KANK2: variants seen among roughly 807,000 people sequenced by gnomAD.
KANK2 encodes KN motif and ankyrin repeat domains 2.
KANK2 carries 41 observed loss-of-function variants against 74.6 expected under a neutral mutation model. The ratio of observed to expected loss-of-function variants is 0.55; its 90% CI spans 0.43 to 0.71. The LOEUF (loss-of-function observed/expected upper bound fraction) is 0.71, where lower values mean the gene tolerates loss of function less well. Among genes scored for constraint, KANK2 ranks in the 30% least tolerant of loss-of-function variants. KANK2 has a pLI of 0.00. For synonymous variants in KANK2, 537 were observed against 519.0 expected (o/e 1.03, Z -0.47); for missense variants, 1,148 against 1,196.4 (o/e 0.96, Z 0.60).
intron 12 of KANK2, 102 bp from the exon 13 acceptor site, chr19:11,166,713 G>T: frequency 9.0e-7 from 1 of 1,107,514 alleles, no homozygotes; most frequent in South Asian, 1.3e-5. Flanking sequence ...TAAGCAGGAG[G>T]GAGGCGTGGC....
At chr19:11,184,079 C>G (rs910751442) in intron 4 of KANK2, among the ~76,000 whole-genome samples, 2 of 152,050 alleles carry the variant, frequency 1.3e-5, no homozygotes, top group Non-Finnish European at 2.9e-5. Context: ...TACCTATATT[C>G]AAAATGAAGA....
intron 12 of KANK2, 108 bp from the exon 13 acceptor site, chr19:11,166,719 G>GGCCCC: frequency 9.8e-7 from 1 of 1,016,306 alleles, no homozygotes; most frequent in Non-Finnish European, 1.5e-6. Flanking sequence ...GGAGGGAGGC[G>GGCCCC]TGGCCCCTGG....
chr19:11,194,183 C>G, intron 3 of KANK2, 141 bp from the exon 4 acceptor site: 1 of 901,032 alleles, frequency 1.1e-6, no homozygotes, highest in Non-Finnish European at 1.6e-6. Context: ...TGCTCTCAGA[C>G]CCTCCAGAGC....
intron 4 of KANK2, among the ~76,000 whole-genome samples, chr19:11,190,707 C>T (rs2078817779): frequency 6.6e-6 from 1 of 152,076 alleles, no homozygotes; most frequent in South Asian, 2.1e-4. Context: ...GCAGAGCCTC[C>T]CTGACCATGT....
At position 11,179,686 on chromosome 19, in the gene KANK2, G is replaced by A. The variant is rs143400323; in HGVS notation, c.1250-966C>T. On this transcript the variant is annotated intron_variant, in intron 4 of 12. Coordinates refer to ENST00000586659, the MANE Select transcript of KANK2 (RefSeq NM_001136191.3). ...CACATCCTGACTAAAAAAACGAAAC[G>A]AAACAAAAGAAAACAAAAGACAACA... 9.8e-3 allele frequency among the ~76,000 whole-genome samples: 1,479 copies of A among 151,326 alleles called. 14 individuals carry two copies. The highest frequency in any genetic ancestry group is 0.017 in the Non-Finnish European group (1,155 of 67,778).
chr19:11,168,034 A>G (rs986557165), intron 12 of KANK2, among the ~76,000 whole-genome samples: 14 of 135,394 alleles, frequency 1.0e-4, no homozygotes, highest in African/African-American at 3.6e-4. Context: ...TTTCTTTGAG[A>G]CAGAGTTTTG....
intron 4 of KANK2, among the ~76,000 whole-genome samples, chr19:11,182,151 AGTGATCCACCCG>A (rs1367869244): frequency 6.6e-6 from 1 of 151,900 alleles, no homozygotes; most frequent in African/African-American, 2.4e-5. Flanking sequence ...CCCAATCTCC[AGTGATCCACCCG>A]CCTCAGCCTC....
chr19:11,179,045 G>A (rs957436335), intron 4 of KANK2, among the ~76,000 whole-genome samples: 1 of 152,184 alleles, frequency 6.6e-6, no homozygotes, highest in Non-Finnish European at 1.5e-5. Flanking sequence ...GCCGGGCACG[G>A]TGACTCATGC....
intron 4 of KANK2, among the ~76,000 whole-genome samples, chr19:11,187,056 G>A (rs2078697043): frequency 6.6e-6 from 1 of 152,062 alleles, no homozygotes; most frequent in Admixed American, 6.6e-5. Flanking sequence ...AGGAGTTCGA[G>A]ACCAGCCTGG....
In KANK2 at chr19:11,166,744, C is replaced by A. The variant is rs187718276; in HGVS notation, c.2503-133G>T. The A allele has an allele frequency of 4.6e-5, 35 of 756,140 alleles. 2 individuals are homozygous for A. The South Asian group carries it at 5.5e-4, about 12-fold the overall frequency. The allele number at this position is 756,140 out of a possible 1,614,324, so 46.8% of individuals were successfully genotyped here. On this transcript the variant is annotated intron_variant, in intron 12 of 12. Coordinates refer to ENST00000586659, the MANE Select transcript of KANK2 (RefSeq NM_001136191.3). Reference sequence around the variant, plus strand: ...GTGGCCCCTGGCCCCAAGGAGGTGGCGATCTGGGGGCACCGCCTTGAAGAA... The same window carrying A: ...GTGGCCCCTGGCCCCAAGGAGGTGGAGATCTGGGGGCACCGCCTTGAAGAA...
chr19:11,192,786 C>CG, intron 4 of KANK2, 45 bp downstream of exon 4: 2 of 1,552,494 alleles, frequency 1.3e-6, no homozygotes, highest in Admixed American at 3.5e-5. Flanking sequence ...GAAAGAGGCC[C>CG]CCCCCCCCCA....
rs1600827889 is a variant in KANK2, at chr19:11,194,020, T to G, written c.60A>C (p.Pro20=). Residue 20 remains proline (P), a synonymous_variant, in exon 4 of 13, where the codon CCA becomes CCC. Transcript: ENST00000586659. ...CGGGGTCCTTGGCAGGGAAGGCAGG[T>G]GGGGAGGCTGGGCCAGGGGTCCCTG... is the stretch of plus-strand genomic sequence containing the variant. ...PFPGTPGPAS[P]PAFPAKDPDP... 1 of 1,609,450 alleles carries G rather than the reference T, an allele frequency of 6.2e-7. No individual in the cohort carries two copies. Among genetic ancestry groups the G allele is most frequent in the East Asian group, 2.2e-5 (1 of 44,806 alleles).
chr19:11,187,457 G>A lies in KANK2; in HGVS notation c.1249+5374C>T, dbSNP rs117448151. Among the ~76,000 whole-genome samples the A allele has an allele frequency of 9.9e-4, 150 of 152,080 alleles. 2 individuals are homozygous for A. The South Asian group carries it at 0.018, about 18-fold the overall frequency. ...CAAGGACACTCAAATGTCTAAATAA[G>A]TTTCTGGAAGGTGGTTTGTAAGGAA... is the stretch of plus-strand genomic sequence containing the variant. On this transcript the variant is annotated intron_variant, in intron 4 of 12. Coordinates refer to ENST00000586659, the MANE Select transcript of KANK2 (RefSeq NM_001136191.3).
At chr19:11,187,663 A>T (rs147541557) in intron 4 of KANK2, among the ~76,000 whole-genome samples, 9 of 152,350 alleles carry the variant, frequency 5.9e-5, no homozygotes, top group Admixed American at 2.6e-4. Flanking sequence ...ATTGGAACGC[A>T]GCCACGTTCG....
intron 6 of KANK2, among the ~76,000 whole-genome samples, chr19:11,178,118 G>A (rs1421271188): frequency 6.6e-6 from 1 of 152,154 alleles, no homozygotes; most frequent in Non-Finnish European, 1.5e-5. Flanking sequence ...TACACCTTGA[G>A]CTCTTGAGCC....
In KANK2 at chr19:11,176,718, A is replaced by T; in HGVS notation, c.1620T>A (p.Ser540Arg). The change falls in exon 7 of 13, where the codon AGT becomes AGA. Residue 540 changes from serine (S) to arginine (R), a missense_variant. Coordinates refer to ENST00000586659, the MANE Select transcript of KANK2 (RefSeq NM_001136191.3). The part of the protein sequence containing the change: ...EAPEPRERVP[S>R]VAEAPQLRPA... ...GCCTGAGCTGGGGGGCTTCGGCCAC[A>T]CTCGGAACCCTCTCCCTCGGCTCTG... 6.2e-7 allele frequency: 1 copy of T among 1,610,700 alleles called. No individual in the cohort carries two copies.
chr19:11,169,676 C>T, intron 12 of KANK2: 1 of 599,510 alleles, frequency 1.7e-6, no homozygotes, highest in Admixed American at 2.9e-5. Context: ...TGGTGCACAC[C>T]TGTTATCCCA....
intron 8 of KANK2, among the ~76,000 whole-genome samples, chr19:11,175,454 A>AT (rs2078309299): frequency 6.6e-6 from 1 of 150,468 alleles, no homozygotes; most frequent in Non-Finnish European, 1.5e-5. Context: ...AAAAAAAAAA[A>AT]AAGAATTTTT....
intron 4 of KANK2, among the ~76,000 whole-genome samples, chr19:11,190,682 G>C (rs1364311226): frequency 6.6e-6 from 1 of 152,166 alleles, no homozygotes; most frequent in Non-Finnish European, 1.5e-5. Context: ...CACAGCATGA[G>C]TTTGAACGCA....
Sources: allele counts gnomAD v4.1 joint callset (sites outside exome capture counted in the v4.1 genomes callset), GRCh38; gene constraint gnomAD v4.1.1; transcripts MANE v1.5; gene names NCBI Gene and HGNC (gene_info 2026-07-23, HGNC 2026-07-21).